Variants in ZMAT5 observed in about 807,000 individuals in gnomAD.
ZMAT5 encodes zinc finger matrin-type protein 5.
In ZMAT5, 23 loss-of-function variants were observed where a neutral mutation model predicts 28.0. The ratio of observed to expected loss-of-function variants is 0.82; its 90% CI spans 0.59 to 1.16. The LOEUF (loss-of-function observed/expected upper bound fraction) is 1.16. Ranked by LOEUF, ZMAT5 falls within the 50% of genes most tolerant of loss-of-function variation. The pLI, the probability that ZMAT5 is intolerant of heterozygous loss-of-function variation, is 0.00. For missense variants in ZMAT5, 173 were observed against 212.7 expected, an observed-to-expected ratio of 0.81 and a Z score of 1.16; for synonymous variants, 76 against 84.1, an observed-to-expected ratio of 0.90 and a Z score of 0.52.
At chr22:29,739,874 T>TAACTGGTCAGAGGGGAGTGAGGCCCGA (rs2067945337) in intron 4 of ZMAT5, among the ~76,000 whole-genome samples, 1 of 152,216 alleles carries the variant, frequency 6.6e-6, no homozygotes, top group Non-Finnish European at 1.5e-5. Flanking sequence ...CTGCAGTGTC[T>TAACTGGTCAGAGGGGAGTGAGGCCCGA]AACTGGTCAG....
At chr22:29,743,432 T>G (rs1304711246) in intron 2 of ZMAT5, among the ~76,000 whole-genome samples, 1 of 151,980 alleles carries the variant, frequency 6.6e-6, no homozygotes, top group Non-Finnish European at 1.5e-5. Context: ...TTTTTCCTAT[T>G]TTTCTTTTCT....
At chr22:29,732,845 C>T (rs891984158) in intron 5 of ZMAT5, among the ~76,000 whole-genome samples, 4 of 151,840 alleles carry the variant, frequency 2.6e-5, no homozygotes, top group Non-Finnish European at 5.9e-5. Context: ...CTGTCTTCCA[C>T]TTAGGACTGG....
At chr22:29,733,319 T>C (rs1385478603) in intron 5 of ZMAT5, among the ~76,000 whole-genome samples, 1 of 152,068 alleles carries the variant, frequency 6.6e-6, no homozygotes, top group African/African-American at 2.4e-5. Flanking sequence ...GGAGAGGGGT[T>C]TGGAGAGGCC....
At chr22:29,738,788 G>A (rs2067932939) in intron 4 of ZMAT5, among the ~76,000 whole-genome samples, 1 of 152,122 alleles carries the variant, frequency 6.6e-6, no homozygotes, top group South Asian at 2.1e-4. Context: ...CGGATCACCT[G>A]AGTCCAGGAG....
At chr22:29,748,618 TC>T in intron 1 of ZMAT5, 47 bp from the exon 2 acceptor site, 1 of 1,600,342 alleles carries the variant, frequency 6.2e-7, no homozygotes, top group Non-Finnish European at 8.5e-7. Flanking sequence ...AGAAAACACA[TC>T]CCTCACCAGC....
chr22:29,734,939 C>T (rs576702776), intron 5 of ZMAT5, among the ~76,000 whole-genome samples: 3 of 152,092 alleles, frequency 2.0e-5, no homozygotes, highest in East Asian at 1.9e-4. Context: ...GGATCCCCCG[C>T]GGGAGCAGAG....
chr22:29,736,505 A>C (rs2067905358), intron 5 of ZMAT5, among the ~76,000 whole-genome samples: 1 of 148,058 alleles, frequency 6.8e-6, no homozygotes, highest in South Asian at 2.2e-4. Flanking sequence ...GAATCACCTG[A>C]GGTCAGGAGT....
intron 1 of ZMAT5, among the ~76,000 whole-genome samples, chr22:29,755,127 T>C (rs2147233164): frequency 6.6e-6 from 1 of 151,462 alleles, no homozygotes; most frequent in South Asian, 2.1e-4. Context: ...GAAACCCCGT[T>C]TCTACTAAAA....
intron 1 of ZMAT5, among the ~76,000 whole-genome samples, chr22:29,757,715 C>G (rs533253433): frequency 6.6e-6 from 1 of 152,246 alleles, no homozygotes; most frequent in South Asian, 2.1e-4. Context: ...TTTCCAAGAA[C>G]AGGTTATAAA....
At chr22:29,757,868 A>T (rs2068117773) in intron 1 of ZMAT5, among the ~76,000 whole-genome samples, 1 of 152,134 alleles carries the variant, frequency 6.6e-6, no homozygotes, top group Non-Finnish European at 1.5e-5. Flanking sequence ...AATACAAAAA[A>T]TTAGCCGGGT....
At chr22:29,740,484 C>A (rs902011699) in intron 4 of ZMAT5, among the ~76,000 whole-genome samples, 166 bp downstream of exon 4, 2 of 152,166 alleles carry the variant, frequency 1.3e-5, no homozygotes, top group African/African-American at 4.8e-5. Context: ...TGAAGCTGTT[C>A]CTAACACCTG....
At chr22:29,763,121 C>T (rs1019969244) in intron 1 of ZMAT5, among the ~76,000 whole-genome samples, 1 of 151,864 alleles carries the variant, frequency 6.6e-6, no homozygotes, top group African/African-American at 2.4e-5. Context: ...GGTGAAAACC[C>T]ATCTGTACTA....
chr22:29,743,347 G>A (rs981324134), intron 2 of ZMAT5, among the ~76,000 whole-genome samples: 3 of 152,086 alleles, frequency 2.0e-5, no homozygotes, highest in Admixed American at 6.5e-5. Context: ...CCACCGCCGC[G>A]GACAGGACTT....
intron 5 of ZMAT5, among the ~76,000 whole-genome samples, chr22:29,735,159 G>A (rs140110): frequency 0.38 from 57,063 of 152,048 alleles, 12,312 homozygotes; most frequent in East Asian, 0.59. Flanking sequence ...AGCCCAGGAC[G>A]GAGGGAAAGG....
chr22:29,750,393 C>T (rs2068045818), intron 1 of ZMAT5, among the ~76,000 whole-genome samples: 1 of 152,184 alleles, frequency 6.6e-6, no homozygotes, highest in Admixed American at 6.5e-5. Flanking sequence ...TATCAGGTGG[C>T]AGGTCCGAAT....
chr22:29,757,600 C>T (rs1440308448), intron 1 of ZMAT5, among the ~76,000 whole-genome samples: 1 of 152,220 alleles, frequency 6.6e-6, no homozygotes, highest in Non-Finnish European at 1.5e-5. Flanking sequence ...TCCAAGCCCC[C>T]AGCAATCCCA....
intron 1 of ZMAT5, among the ~76,000 whole-genome samples, chr22:29,765,115 T>C (rs951554446): frequency 2.0e-5 from 3 of 152,164 alleles, no homozygotes; most frequent in African/African-American, 7.2e-5. Flanking sequence ...TTTTAAATTG[T>C]TGAGGTCAAA....
At chr22:29,752,009 T>C (rs1463940283) in intron 1 of ZMAT5, among the ~76,000 whole-genome samples, 2 of 151,990 alleles carry the variant, frequency 1.3e-5, no homozygotes, top group African/African-American at 4.8e-5. Context: ...TAATGACAAT[T>C]TTCCTTTATT....
chr22:29,754,186 T>G (rs1030507145), intron 1 of ZMAT5, among the ~76,000 whole-genome samples: 1 of 152,190 alleles, frequency 6.6e-6, no homozygotes, highest in East Asian at 1.9e-4. Context: ...TGGCCCCCTC[T>G]GCTGTGATTC....
Sources: gnomAD v4.1 joint callset for allele counts (sites outside exome capture counted in the v4.1 genomes callset) on GRCh38, gnomAD v4.1.1 for gene constraint, MANE v1.5 for transcripts, NCBI Gene and HGNC (gene_info 2026-07-23, HGNC 2026-07-21) for gene names.